The following ENOX1 variants were observed in gnomAD, a reference collection of about 807,000 sequenced individuals.
ENOX1 encodes the protein candidate growth-related and time keeping constitutive hydroquinone (NADH) oxidase.
Under a neutral mutation model 82.5 loss-of-function variants are expected in ENOX1, and 42 were observed. The observed-to-expected ratio is 0.51, with a 90% confidence interval of 0.40 to 0.66. The LOEUF (loss-of-function observed/expected upper bound fraction) is 0.66. Ranked by LOEUF, ENOX1 falls within the 30% of genes least tolerant of loss-of-function variation. ENOX1 has a pLI of 0.00. For synonymous variants in ENOX1, 271 were observed against 282.2 expected (o/e 0.96, Z 0.40); for missense variants, 608 against 811.6 (o/e 0.75, Z 3.05).
At chr13:43,390,905 A>G (rs1003668798) in intron 5 of ENOX1, among the ~76,000 whole-genome samples, 2 of 152,204 alleles carry the variant, frequency 1.3e-5, no homozygotes, top group African/African-American at 4.8e-5. Context: ...ATTTAAAAAC[A>G]AAATGAAAAA....
In ENOX1 at chr13:43,772,749, TAAAAAAA is replaced by T. The variant is rs35359203; in HGVS notation, c.-285+13896_-285+13902del. On this transcript the variant is annotated intron_variant, in intron 1 of 16. Transcript: ENST00000690772. ...GGGCGACAGAGCAAGACTCTGTCTT[TAAAAAAA>T]AAAAAAAAAAAAAAAGAAGGAAAGA... 7.7e-3 allele frequency among the ~76,000 whole-genome samples: 860 copies of T among 112,108 alleles called. 14 individuals are homozygous for T. The highest frequency in any genetic ancestry group is 0.031 in the African/African-American group (804 of 25,944). 73.5% of individuals were successfully genotyped at this position (112,108 alleles called of 152,430 possible).
chr13:43,380,609 A>G (rs1464268008), intron 5 of ENOX1, among the ~76,000 whole-genome samples: 1 of 151,786 alleles, frequency 6.6e-6, no homozygotes, highest in East Asian at 1.9e-4. Flanking sequence ...AAAGGCAGAG[A>G]TCAATCCAAT....
At chr13:43,528,239 A>G (rs2078063226) in intron 2 of ENOX1, among the ~76,000 whole-genome samples, 2 of 152,122 alleles carry the variant, frequency 1.3e-5, no homozygotes, top group East Asian at 1.9e-4. Context: ...TATAAAGGGT[A>G]CAGAAGCCAA....
In ENOX1 at chr13:43,624,019, G is replaced by C. The variant is rs1394469414; in HGVS notation, c.-219+43460C>G. ...TGAAACTGTCAAATCATTTTTCAGGGTGGCTGTACCATTTTACATTCCCAC... is the reference window on the plus strand; with the variant it reads ...TGAAACTGTCAAATCATTTTTCAGGCTGGCTGTACCATTTTACATTCCCAC... On this transcript the variant is annotated intron_variant, in intron 2 of 16. Coordinates refer to ENST00000690772, the MANE Select transcript of ENOX1 (RefSeq NM_001347969.2). 2.0e-5 allele frequency among the ~76,000 whole-genome samples: 3 copies of C among 152,154 alleles called. No individual in the cohort carries two copies. In the East Asian group the frequency reaches 5.8e-4, roughly 29 times the overall value.
intron 14 of ENOX1, among the ~76,000 whole-genome samples, chr13:43,263,525 G>A (rs899331909): frequency 6.6e-6 from 1 of 152,194 alleles, no homozygotes; most frequent in East Asian, 1.9e-4. Flanking sequence ...AATAATAAGT[G>A]ACTTTTAAAA....
intron 3 of ENOX1, among the ~76,000 whole-genome samples, chr13:43,475,586 T>C (rs2058244245): frequency 6.6e-6 from 1 of 151,880 alleles, no homozygotes; most frequent in Non-Finnish European, 1.5e-5. Flanking sequence ...ATAAACGAAA[T>C]CATATTTGAG....
At chr13:43,327,736 G>A (rs569107151) in intron 9 of ENOX1, among the ~76,000 whole-genome samples, 1 of 152,228 alleles carries the variant, frequency 6.6e-6, no homozygotes, top group South Asian at 2.1e-4. Context: ...GAGCAATAGA[G>A]TAATCCCCAC....
At chr13:43,717,096 C>T (rs558208361) in intron 1 of ENOX1, among the ~76,000 whole-genome samples, 28 of 152,198 alleles carry the variant, frequency 1.8e-4, no homozygotes, top group African/African-American at 6.0e-4. Flanking sequence ...CAATCCTAAT[C>T]GAAAAGAACA....
At chr13:43,381,046 A>G (rs1451325780) in intron 5 of ENOX1, among the ~76,000 whole-genome samples, 1 of 151,892 alleles carries the variant, frequency 6.6e-6, no homozygotes, top group Admixed American at 6.6e-5. Flanking sequence ...AATAATATCA[A>G]CCAATTTGAC....
Position 43,322,494 on chromosome 13 carries a change from C to G in ENOX1, c.1151G>C (p.Arg384Pro). Residue 384 changes from arginine to proline, a missense_variant, in exon 11 of 17, where the codon CGG becomes CCG. Transcript: ENST00000690772. ...CATGAGCTGCTCACTTTGAGCATTC[C>G]GGAGCTCCTGCAAGTAGAGGATACA... is the stretch of plus-strand genomic sequence containing the variant. The part of the protein sequence containing the change: ...DIWRKHSEEL[R>P]NAQSEQLMGI... 2 of 1,613,302 alleles carry G rather than the reference C, an allele frequency of 1.2e-6. No homozygotes were observed. The highest frequency in any genetic ancestry group is 1.7e-6 in the Non-Finnish European group (2 of 1,179,630).
At chr13:43,404,595 T>A (rs912229248) in intron 5 of ENOX1, among the ~76,000 whole-genome samples, 5 of 152,202 alleles carry the variant, frequency 3.3e-5, no homozygotes, top group African/African-American at 1.2e-4. Flanking sequence ...CTTTGTAACA[T>A]CCCACAATTA....
intron 2 of ENOX1, among the ~76,000 whole-genome samples, chr13:43,624,356 C>T (rs2082875619): frequency 6.6e-6 from 1 of 152,012 alleles, no homozygotes; most frequent in African/African-American, 2.4e-5. Flanking sequence ...CAAATATTTT[C>T]TCCGAATCCA....
chr13:43,731,527 G>GT (rs5803210), intron 1 of ENOX1, among the ~76,000 whole-genome samples: 120,947 of 147,818 alleles, frequency 0.82, 50,494 homozygotes, highest in South Asian at 0.92. Flanking sequence ...TCCTGTTTTT[G>GT]TTTTTTTTTT....
chr13:43,755,670 T>C (rs1950607693), intron 1 of ENOX1, among the ~76,000 whole-genome samples: 2 of 152,208 alleles, frequency 1.3e-5, no homozygotes, highest in African/African-American at 4.8e-5. Context: ...TAACATCTGG[T>C]ACATATCCTC....
chr13:43,557,506 G>C (rs1356607848), intron 2 of ENOX1, among the ~76,000 whole-genome samples: 1 of 152,294 alleles, frequency 6.6e-6, no homozygotes. Flanking sequence ...ATGAGAAGCA[G>C]GGTGGCTCTG....
intron 2 of ENOX1, among the ~76,000 whole-genome samples, chr13:43,666,390 G>A (rs889384753): frequency 1.3e-5 from 2 of 152,102 alleles, no homozygotes; most frequent in Non-Finnish European, 2.9e-5. Flanking sequence ...GCAGATGATC[G>A]AGTTAAGATA....
intron 3 of ENOX1, among the ~76,000 whole-genome samples, chr13:43,423,627 T>A (rs973096875): frequency 3.4e-4 from 52 of 152,222 alleles, no homozygotes; most frequent in Non-Finnish European, 5.9e-5. Context: ...TTCTCTCTCC[T>A]GAGCACCTAT....
intron 12 of ENOX1, among the ~76,000 whole-genome samples, chr13:43,290,724 T>G (rs556711911): frequency 6.6e-6 from 1 of 152,310 alleles, no homozygotes; most frequent in Non-Finnish European, 1.5e-5. Flanking sequence ...ATGTACCCTC[T>G]GTATCTAAAA....
intron 2 of ENOX1, among the ~76,000 whole-genome samples, chr13:43,511,241 A>G (rs1000714613): frequency 1.3e-5 from 2 of 152,156 alleles, no homozygotes; most frequent in Non-Finnish European, 2.9e-5. Flanking sequence ...TCTCTTTCAT[A>G]AAGTTTTTTA....
Sources: gnomAD v4.1 joint callset for allele counts (sites outside exome capture counted in the v4.1 genomes callset) on GRCh38, gnomAD v4.1.1 for gene constraint, MANE v1.5 for transcripts, NCBI Gene and HGNC (gene_info 2026-07-23, HGNC 2026-07-21) for gene names.